The following TRAPPC9 variants were observed in gnomAD, a reference collection of about 807,000 sequenced individuals.
The protein encoded by TRAPPC9 is trafficking protein particle complex subunit 9.
In TRAPPC9, 83 loss-of-function variants were observed where a neutral mutation model predicts 124.0. The ratio of observed to expected loss-of-function variants is 0.67; its 90% CI spans 0.56 to 0.80. TRAPPC9 has a LOEUF of 0.80. Ranked by LOEUF, TRAPPC9 falls within the 30% of genes least tolerant of loss-of-function variation. The probability of loss-of-function intolerance (pLI) is 0.00; values close to 1 mark genes in which losing one functional copy is unlikely to be tolerated. For missense variants in TRAPPC9, 1,302 were observed against 1,508.3 expected (o/e 0.86, Z 2.27); for synonymous variants, 638 against 617.5 (o/e 1.03, Z -0.49).
rs200298397 is a variant in TRAPPC9, at chr8:140,402,030, T to TA, written c.1008+3546dup. Among the ~76,000 whole-genome samples, 680 of 150,234 alleles carry TA rather than the reference T, an allele frequency of 4.5e-3. 8 individuals carry two copies. The highest frequency in any genetic ancestry group is 0.016 in the African/African-American group (638 of 40,978). On this transcript the variant is annotated intron_variant, in intron 6 of 22. Coordinates refer to ENST00000438773, the MANE Select transcript of TRAPPC9 (RefSeq NM_001160372.4). The stretch of plus-strand genomic sequence containing the variant: ...AAATTCTAAAATAATTTGTTCAAGT[T>TA]AAAAAAAAACAGACTGGAGTTTTGA...
intron 15 of TRAPPC9, among the ~76,000 whole-genome samples, chr8:140,254,753 G>A (rs2064207348): frequency 6.6e-6 from 1 of 152,204 alleles, no homozygotes; most frequent in South Asian, 2.1e-4. Flanking sequence ...TGAATAAGGA[G>A]ACGGTTTTAG....
chr8:140,442,909 C>T (rs1026053557), intron 2 of TRAPPC9, among the ~76,000 whole-genome samples: 8 of 151,546 alleles, frequency 5.3e-5, no homozygotes, highest in African/African-American at 1.5e-4. Flanking sequence ...CCGAGGCAGG[C>T]GGATCACAAA....
chr8:139,752,761 T>C (rs1312514515), intron 21 of TRAPPC9, among the ~76,000 whole-genome samples: 1 of 149,604 alleles, frequency 6.7e-6, no homozygotes, highest in Non-Finnish European at 1.5e-5. Context: ...CATCCATCTA[T>C]ATATCCATCC....
rs1036111874 is a variant in TRAPPC9, at chr8:140,033,673, T to G, written c.2557-9594A>C. Among the ~76,000 whole-genome samples the G allele has an allele frequency of 4.8e-3, 371 of 76,730 alleles. 23 individuals are homozygous for G. The highest frequency in any genetic ancestry group is 7.5e-3 in the Non-Finnish European group (289 of 38,372). 50.3% of individuals were successfully genotyped at this position (76,730 alleles called of 152,430 possible). A position where few individuals can be genotyped will look rare whatever the true frequency, so the allele number is the denominator to read the frequency against. ...TCATAATGTGGTTTTTTTTTTTTTT[T>G]TTTTTTTTTTTTTTTTTTTTTTTTT... On this transcript the variant is annotated intron_variant, in intron 17 of 22. Transcript: ENST00000438773.
Position 140,437,761 on chromosome 8 carries a change from CT to C in TRAPPC9, c.730+1290del, listed in dbSNP as rs533941697. 6.6e-5 allele frequency among the ~76,000 whole-genome samples: 10 copies of C among 152,296 alleles called. No individual in the cohort carries two copies. The South Asian group carries it at 2.1e-3, about 32-fold the overall frequency. On this transcript the variant is annotated intron_variant, in intron 3 of 22. Coordinates refer to ENST00000438773, the MANE Select transcript of TRAPPC9 (RefSeq NM_001160372.4). The stretch of plus-strand genomic sequence containing the variant: ...CAGGTGTCCTTGCTAAACTGTCAAC[CT>C]CAACGAAAGAACCCTGTTTTAGTCC...
At chr8:140,433,145 T>C (rs2070708306) in intron 4 of TRAPPC9, among the ~76,000 whole-genome samples, 1 of 150,632 alleles carries the variant, frequency 6.6e-6, no homozygotes, top group Non-Finnish European at 1.5e-5. Flanking sequence ...CTACAAAAAT[T>C]AGCTGGGCAT....
chr8:140,279,430 G>A (rs1588082005), intron 14 of TRAPPC9, among the ~76,000 whole-genome samples: 1 of 152,136 alleles, frequency 6.6e-6, no homozygotes, highest in East Asian at 1.9e-4. Context: ...AAAACTCAAA[G>A]AATAGTCACA....
chr8:139,880,862 C>A (rs1221371505), intron 21 of TRAPPC9, among the ~76,000 whole-genome samples: 1 of 152,176 alleles, frequency 6.6e-6, no homozygotes, highest in Non-Finnish European at 1.5e-5. Context: ...AGTGCTAGGC[C>A]CTGGCCTTGG....
At chr8:139,862,006 G>T (rs1259087492) in intron 21 of TRAPPC9, among the ~76,000 whole-genome samples, 2 of 152,246 alleles carry the variant, frequency 1.3e-5, no homozygotes, top group Non-Finnish European at 2.9e-5. Context: ...AGCACTACTT[G>T]CCTGTCTGAA....
intron 5 of TRAPPC9, among the ~76,000 whole-genome samples, chr8:140,423,416 G>A (rs1340834528): frequency 6.6e-6 from 1 of 151,764 alleles, no homozygotes; most frequent in Non-Finnish European, 1.5e-5. Flanking sequence ...CTCCAGCCTG[G>A]GCAACAAGAA....
intron 21 of TRAPPC9, among the ~76,000 whole-genome samples, chr8:139,868,794 C>T (rs1044922535): frequency 6.6e-6 from 1 of 152,214 alleles, no homozygotes; most frequent in Non-Finnish European, 1.5e-5. Context: ...TGAGAATACA[C>T]TGACAACAAA....
chr8:140,336,802 G>A (rs1350675629), intron 9 of TRAPPC9, among the ~76,000 whole-genome samples: 2 of 152,210 alleles, frequency 1.3e-5, no homozygotes, highest in East Asian at 3.8e-4. Context: ...GAAGTCATCA[G>A]TGTTGAAAGT....
intron 5 of TRAPPC9, among the ~76,000 whole-genome samples, chr8:140,414,368 T>C (rs1196640403): frequency 6.6e-6 from 1 of 152,106 alleles, no homozygotes; most frequent in Non-Finnish European, 1.5e-5. Context: ...ATCCTAACTC[T>C]ACAAAAAATC....
chr8:140,246,866 T>A (rs2064000630), intron 16 of TRAPPC9, among the ~76,000 whole-genome samples: 1 of 152,132 alleles, frequency 6.6e-6, no homozygotes, highest in African/African-American at 2.4e-5. Flanking sequence ...ACGCATGTAG[T>A]CCCAGCTACT....
At chr8:139,940,299 A>G (rs1036511341) in intron 19 of TRAPPC9, among the ~76,000 whole-genome samples, 1 of 152,226 alleles carries the variant, frequency 6.6e-6, no homozygotes, top group African/African-American at 2.4e-5. Flanking sequence ...AAATTACTAG[A>G]CAGAGAAACA....
intron 19 of TRAPPC9, 26 bp downstream of exon 19, chr8:139,988,700 G>T: frequency 6.7e-7 from 1 of 1,487,464 alleles, no homozygotes; most frequent in African/African-American, 1.4e-5. Context: ...GGCCTGCGGC[G>T]GCGCGAGGGT....
At chr8:140,048,433 G>A (rs920369892) in intron 17 of TRAPPC9, among the ~76,000 whole-genome samples, 2 of 152,082 alleles carry the variant, frequency 1.3e-5, no homozygotes, top group African/African-American at 2.4e-5. Context: ...GTCGGGGTGA[G>A]GGCAACATTT....
chr8:140,294,858 C>A lies in TRAPPC9; in HGVS notation c.1769-3780G>T, dbSNP rs563636290. ...ACTCCTGACCTCAACTAATCCCCCCCACCTTGGCCTCCCAGAGTACTAGAA... is the reference window on the plus strand; with the variant it reads ...ACTCCTGACCTCAACTAATCCCCCCAACCTTGGCCTCCCAGAGTACTAGAA... On this transcript the variant is annotated intron_variant, in intron 11 of 22. Coordinates refer to ENST00000438773, the MANE Select transcript of TRAPPC9 (RefSeq NM_001160372.4). Among the ~76,000 whole-genome samples the A allele has an allele frequency of 5.3e-5, 8 of 152,264 alleles. No individual in the cohort carries two copies. The East Asian group carries it at 5.8e-4, about 11-fold the overall frequency.
intron 19 of TRAPPC9, among the ~76,000 whole-genome samples, chr8:139,949,000 G>A (rs1156562438): frequency 5.9e-5 from 9 of 152,076 alleles, no homozygotes; most frequent in Non-Finnish European, 1.5e-5. Flanking sequence ...TTGAACCCAG[G>A]AGGCAGAGGT....
Sources: allele counts gnomAD v4.1 joint callset (sites outside exome capture counted in the v4.1 genomes callset), GRCh38; gene constraint gnomAD v4.1.1; transcripts MANE v1.5; gene names NCBI Gene and HGNC (gene_info 2026-07-23, HGNC 2026-07-21).